Variants in ACOT11 observed in about 807,000 individuals in gnomAD.
ACOT11 encodes the protein acyl-CoA thioesterase 11, also known as acyl-coenzyme A thioesterase 11.
A neutral mutation model predicts 77.5 loss-of-function variants in ACOT11; 69 were observed. The ratio of observed to expected loss-of-function variants is 0.89; its 90% CI spans 0.73 to 1.09. ACOT11 has a LOEUF of 1.09. ACOT11 is among the 50% of genes least tolerant of loss of function. The pLI is 0.00. For missense variants in ACOT11, 766 were observed against 813.7 expected (o/e 0.94, Z 0.71); for synonymous variants, 279 against 313.0 (o/e 0.89, Z 1.15).
chr1:54,625,096 C>T lies in ACOT11; in HGVS notation c.1630-5638C>T, dbSNP rs111536811. ...AGATGGACAGGACCCCATTCAACAC[C>T]CCCTCCCCACCACTGTGTATATCCG... is the stretch of plus-strand genomic sequence containing the variant. On this transcript the variant is annotated intron_variant, in intron 15 of 16. Coordinates refer to the ACOT11 transcript ENST00000371316. Among the ~76,000 whole-genome samples the T allele has an allele frequency of 8.6e-3, 855 of 99,578 alleles. 4 individuals carry two copies. The highest frequency in any genetic ancestry group is 0.024 in the Middle Eastern group (4 of 170). 65.3% of individuals were successfully genotyped at this position (99,578 alleles called of 152,430 possible).
intron 1 of ACOT11, chr1:54,573,054 C>A (rs1204028021): frequency 7.1e-6 from 7 of 985,336 alleles, no homozygotes; most frequent in Non-Finnish European, 8.4e-6. Flanking sequence ...GTACTGACAC[C>A]ATCACGGCCT....
chr1:54,624,207 A>G (rs2117262), intron 15 of ACOT11, among the ~76,000 whole-genome samples: 43,245 of 152,050 alleles, frequency 0.28, 6,823 homozygotes, highest in Middle Eastern at 0.4. Context: ...TAATGTGCAC[A>G]GAGACTTCAG....
Position 54,584,531 on chromosome 1 carries a change from TG to T in ACOT11, c.34-122del. 1 of 866,694 alleles carries T rather than the reference TG, an allele frequency of 1.2e-6. No individual in the cohort carries two copies. Among genetic ancestry groups the T allele is most frequent in the Non-Finnish European group, 1.8e-6 (1 of 563,282 alleles). The allele number at this position is 866,694 out of a possible 1,614,324, so 53.7% of individuals were successfully genotyped here. On this transcript the variant is annotated intron_variant, in intron 1 of 15. Transcript: ENST00000343744. This position sits in a 1 kb window ranked among gnomAD's most constrained non-coding sequence, Gnocchi z 6.3. ...TGGTGACCACTCTCGGGTTGGGGTC[TG>T]GTGGGAGGTGGCCCTAGGTACTCTC... is the stretch of plus-strand genomic sequence containing the variant.
chr1:54,597,129 CTG>C (rs1388282533), intron 6 of ACOT11, 128 bp from the exon 7 acceptor site: 2 of 1,196,036 alleles, frequency 1.7e-6, no homozygotes, highest in Non-Finnish European at 2.4e-6. Context: ...CATGTGCACT[CTG>C]TGCTGAGTAA....
chr1:54,548,280 G>A lies in ACOT11; in HGVS notation c.-30G>A. On this transcript the variant is annotated 5_prime_UTR_variant, in exon 1 of 16. Transcript: ENST00000343744. ...AGGTGACCAGCTTGTGTCTCTGGGAGGGCGCTGCTTTCCCCGGCCACCCGG... is the reference window on the plus strand; with the variant it reads ...AGGTGACCAGCTTGTGTCTCTGGGAAGGCGCTGCTTTCCCCGGCCACCCGG... 1.3e-6 allele frequency: 2 copies of A among 1,584,826 alleles called. No homozygotes were observed. The highest frequency in any genetic ancestry group is 1.7e-6 in the Non-Finnish European group (2 of 1,165,788).
intron 1 of ACOT11, among the ~76,000 whole-genome samples, chr1:54,552,830 GT>G (rs199905803): frequency 0.55 from 72,546 of 132,076 alleles, 19,138 homozygotes; most frequent in African/African-American, 0.62. Flanking sequence ...TTTTTGTTTT[GT>G]TTTTTTTTTT....
intron 1 of ACOT11, among the ~76,000 whole-genome samples, chr1:54,570,432 T>C (rs1056979049): frequency 1.3e-5 from 2 of 152,246 alleles, no homozygotes; most frequent in African/African-American, 2.4e-5. Context: ...GCAAAGGCCA[T>C]CTGGCCAGTC....
In ACOT11 at chr1:54,607,826, C is replaced by T; in HGVS notation, c.1503-116C>T. The T allele has an allele frequency of 7.2e-7, 1 of 1,388,092 alleles. No homozygotes were observed. The highest frequency in any genetic ancestry group is 1.3e-5 in the South Asian group (1 of 76,298). The allele number at this position is 1,388,092 out of a possible 1,614,324, so 86.0% of individuals were successfully genotyped here. On this transcript the variant is annotated intron_variant, in intron 14 of 15. Coordinates refer to ENST00000343744, the MANE Select transcript of ACOT11 (RefSeq NM_147161.4). The surrounding 1 kb of genome is among the most constrained non-coding windows in gnomAD (Gnocchi z 4.5). ...TTAAGAGTCGATGTGCCTTGCATCC[C>T]CCTGGTGAGGAATCTGTGCTAGAGG... is the stretch of plus-strand genomic sequence containing the variant.
intron 9 of ACOT11, among the ~76,000 whole-genome samples, chr1:54,602,236 C>T (rs903132224): frequency 3.9e-5 from 6 of 152,250 alleles, no homozygotes; most frequent in African/African-American, 1.4e-4. Context: ...AGCCCTCACC[C>T]TTCCTTGTCT....
intron 10 of ACOT11, among the ~76,000 whole-genome samples, chr1:54,603,497 C>T (rs186690984): frequency 2.6e-4 from 39 of 152,310 alleles, no homozygotes; most frequent in Middle Eastern, 3.4e-3. Context: ...GAGCATTTAC[C>T]GTGTGCCAAG....
In ACOT11 at chr1:54,634,853, A is replaced by C; in HGVS notation, c.*124A>C. 3 of 606,466 alleles carry C rather than the reference A, an allele frequency of 4.9e-6. No homozygotes were observed. The East Asian group carries it at 8.5e-5, about 17-fold the overall frequency. 37.6% of individuals were successfully genotyped at this position (606,466 alleles called of 1,614,324 possible). A position where few individuals can be genotyped will look rare whatever the true frequency, so the allele number is the denominator to read the frequency against. On this transcript the variant is annotated 3_prime_UTR_variant, in exon 17 of 17. Coordinates refer to the ACOT11 transcript ENST00000371316. Reference sequence around the variant, plus strand: ...AACTATCATGAGCAACACCCGTCGAACACAGCCACCCCGCTAAGAACAGAT... The same window carrying C: ...AACTATCATGAGCAACACCCGTCGACCACAGCCACCCCGCTAAGAACAGAT...
intron 1 of ACOT11, among the ~76,000 whole-genome samples, chr1:54,568,431 C>T (rs1653814371): frequency 7.0e-6 from 1 of 142,880 alleles, no homozygotes; most frequent in African/African-American, 2.7e-5. Context: ...ATGGTGCGAC[C>T]TCGGCTCACT....
At chr1:54,626,269 CA>C (rs1039261445) in intron 15 of ACOT11, among the ~76,000 whole-genome samples, 2 of 147,744 alleles carry the variant, frequency 1.4e-5, no homozygotes, top group South Asian at 2.2e-4. Flanking sequence ...GACCCTGTTT[CA>C]AAAAAAAGAA....
At chr1:54,614,756 G>A (rs1044728991), downstream of ACOT11, 23 of 1,613,984 alleles carry the variant, frequency 1.4e-5, no homozygotes, top group Non-Finnish European at 1.6e-5. Context: ...AGATGTCAGC[G>A]TTGATCCATA....
chr1:54,602,008 C>T (rs1351669335), intron 9 of ACOT11, among the ~76,000 whole-genome samples: 1 of 152,248 alleles, frequency 6.6e-6, no homozygotes, highest in Non-Finnish European at 1.5e-5. Context: ...GGGAGGTCCC[C>T]TGGCCTTCCT....
At chr1:54,580,275 C>T (rs1374387876) in intron 1 of ACOT11, among the ~76,000 whole-genome samples, 6 of 152,204 alleles carry the variant, frequency 3.9e-5, no homozygotes, top group Non-Finnish European at 5.9e-5. Context: ...TGCTCTTCCC[C>T]TTCAGGGCAG....
intron 3 of ACOT11, among the ~76,000 whole-genome samples, chr1:54,592,217 G>A (rs1654735309): frequency 1.3e-5 from 2 of 152,144 alleles, no homozygotes; most frequent in African/African-American, 4.8e-5. Context: ...GCAGGGCAGC[G>A]AGGGGTCCCC....
chr1:54,610,644 C>T (rs1049874986), downstream of ACOT11: 32 of 1,533,688 alleles, frequency 2.1e-5, no homozygotes, highest in Middle Eastern at 2.3e-4. Flanking sequence ...CACAGCTCTA[C>T]GGGCATCCTC....
rs896893481 is a variant in ACOT11, at chr1:54,617,310, C to T, written c.1629+9242C>T. ...CTTTTGGCCCTTGCAGCATCACAAA[C>T]GACTGATGCCAGAAGGGGCCTTTTC... is the stretch of plus-strand genomic sequence containing the variant. On this transcript the variant is annotated intron_variant, in intron 15 of 16. Coordinates refer to the ACOT11 transcript ENST00000371316. Among the ~76,000 whole-genome samples the T allele has an allele frequency of 7.2e-5, 11 of 152,124 alleles. 1 individual carries two copies. Among genetic ancestry groups the T allele is most frequent in the African/African-American group, 7.2e-5 (3 of 41,408 alleles).
Sources: allele counts gnomAD v4.1 joint callset (sites outside exome capture counted in the v4.1 genomes callset), GRCh38; gene constraint gnomAD v4.1.1; non-coding constraint Gnocchi (gnomAD v3.1); transcripts MANE v1.5; gene names NCBI Gene and HGNC (gene_info 2026-07-23, HGNC 2026-07-21).